The following CDH12 variants were observed in gnomAD, a reference collection of about 807,000 sequenced individuals.
CDH12 encodes the protein cadherin 12, also known as cadherin-12.
A neutral mutation model predicts 74.1 loss-of-function variants in CDH12; 41 were observed. That is an observed-to-expected ratio of 0.55 (90% CI 0.43 to 0.72). The LOEUF (loss-of-function observed/expected upper bound fraction) is 0.72. Ranked by LOEUF, CDH12 falls within the 30% of genes least tolerant of loss-of-function variation. The pLI is 0.00. For missense variants in CDH12, 945 were observed against 977.2 expected, an observed-to-expected ratio of 0.97 and a Z score of 0.44; for synonymous variants, 399 against 355.0, an observed-to-expected ratio of 1.12 and a Z score of -1.39.
At chr5:21,949,145 G>A (rs1463143692) in intron 6 of CDH12, among the ~76,000 whole-genome samples, 1 of 151,950 alleles carries the variant, frequency 6.6e-6, no homozygotes, top group African/African-American at 2.4e-5. Flanking sequence ...TTACATTTTC[G>A]TGTATTTACT....
intron 7 of CDH12, 47 bp from the exon 8 acceptor site, chr5:21,842,375 T>C (rs1285239065): frequency 5.3e-6 from 7 of 1,320,194 alleles, no homozygotes; most frequent in Non-Finnish European, 7.3e-6. Flanking sequence ...ACAAATGCTC[T>C]GTTTTCTGAA....
chr5:21,953,371 G>A (rs1417148930), intron 6 of CDH12, among the ~76,000 whole-genome samples: 1 of 152,140 alleles, frequency 6.6e-6, no homozygotes, highest in Admixed American at 6.6e-5. Flanking sequence ...AAAACAAACT[G>A]TAACCCGGTT....
chr5:22,625,215 T>G (rs1348713856), intron 1 of CDH12, among the ~76,000 whole-genome samples: 1 of 152,014 alleles, frequency 6.6e-6, no homozygotes, highest in Non-Finnish European at 1.5e-5. Context: ...ATATAAATGA[T>G]GAGTTTATGC....
At chr5:22,775,469 C>T (rs193093121) in intron 1 of CDH12, among the ~76,000 whole-genome samples, 5 of 151,732 alleles carry the variant, frequency 3.3e-5, no homozygotes, top group Admixed American at 1.3e-4. Flanking sequence ...TTTTAACCAA[C>T]GTAATAAAAT....
At chr5:22,024,001 C>T (rs934624502) in intron 5 of CDH12, among the ~76,000 whole-genome samples, 2 of 152,092 alleles carry the variant, frequency 1.3e-5, no homozygotes, top group African/African-American at 2.4e-5. Flanking sequence ...CTGCAAAGTG[C>T]TGGGAGTTGG....
intron 1 of CDH12, among the ~76,000 whole-genome samples, chr5:22,598,505 C>T (rs75615119): frequency 0.047 from 7,195 of 152,264 alleles, 230 homozygotes; most frequent in Middle Eastern, 0.088. Context: ...CCTCCCCAGA[C>T]ATCTGGATCT....
chr5:22,513,114 G>A (rs1185461562), intron 1 of CDH12, among the ~76,000 whole-genome samples: 1 of 152,100 alleles, frequency 6.6e-6, no homozygotes, highest in African/African-American at 2.4e-5. Context: ...AAAGAAAATA[G>A]AATAATCCCA....
At chr5:22,679,226 A>AT (rs1741365545) in intron 1 of CDH12, among the ~76,000 whole-genome samples, 1 of 152,200 alleles carries the variant, frequency 6.6e-6, no homozygotes, top group South Asian at 2.1e-4. Context: ...TTAGAAGACA[A>AT]TAAGTATACT....
chr5:22,383,146 A>G (rs1741844798), intron 3 of CDH12, among the ~76,000 whole-genome samples: 1 of 152,146 alleles, frequency 6.6e-6, no homozygotes, highest in South Asian at 2.1e-4. Flanking sequence ...TTCAAATTTC[A>G]TAACTAAATC....
intron 9 of CDH12, among the ~76,000 whole-genome samples, 173 bp from the exon 10 acceptor site, chr5:21,802,593 C>CTTTTTTTTT (rs35742047): frequency 4.2e-5 from 5 of 120,194 alleles, no homozygotes; most frequent in Admixed American, 2.0e-4. Context: ...ATTTTTTTTT[C>CTTTTTTTTT]TTTTTTTTTT....
chr5:21,966,313 C>A (rs2547607), intron 6 of CDH12, among the ~76,000 whole-genome samples: 1 of 152,056 alleles, frequency 6.6e-6, no homozygotes, highest in Non-Finnish European at 1.5e-5. Context: ...CTGTGAAGGA[C>A]CAGATAGTAA....
chr5:21,883,488 G>A, intron 6 of CDH12: 3 of 1,612,924 alleles, frequency 1.9e-6, no homozygotes, highest in Admixed American at 3.3e-5. Context: ...GGTTGTGGCA[G>A]TCAAGGCTCC....
At chr5:21,800,764 G>A (rs1747066485) in intron 10 of CDH12, among the ~76,000 whole-genome samples, 1 of 152,164 alleles carries the variant, frequency 6.6e-6, no homozygotes, top group Admixed American at 6.5e-5. Context: ...TCATGGGAGT[G>A]GGGGTGGTTC....
At chr5:22,804,711 C>T (rs926769370) in intron 1 of CDH12, among the ~76,000 whole-genome samples, 1 of 152,108 alleles carries the variant, frequency 6.6e-6, no homozygotes, top group Non-Finnish European at 1.5e-5. Context: ...CCATACCAGA[C>T]CAACAAAATA....
chr5:22,436,419 C>A (rs1420259302), intron 2 of CDH12, among the ~76,000 whole-genome samples: 2 of 150,622 alleles, frequency 1.3e-5, no homozygotes, highest in African/African-American at 4.9e-5. Flanking sequence ...TGCACATGTA[C>A]CCTAGAAGTT....
At position 22,172,794 on chromosome 5, in the gene CDH12, T is replaced by C. The variant is rs5005866; in HGVS notation, c.-187+39704A>G. Among the ~76,000 whole-genome samples, 83 of 151,858 alleles carry C rather than the reference T, an allele frequency of 5.5e-4. 3 individuals are homozygous for C. The Middle Eastern group carries it at 0.02, about 37-fold the overall frequency. ...ATGGTGAGAATGAATTCATTTAATT[T>C]ATTTTAATTTTAAATCTATATTAAT... On this transcript the variant is annotated intron_variant, in intron 4 of 14. Transcript: ENST00000382254.
intron 1 of CDH12, among the ~76,000 whole-genome samples, chr5:22,824,789 A>C (rs1407741332): frequency 6.6e-6 from 1 of 151,874 alleles, no homozygotes; most frequent in Admixed American, 6.6e-5. Flanking sequence ...AGATTGTCAG[A>C]TTGTATTTTA....
chr5:22,434,982 T>C (rs552197000), intron 2 of CDH12, among the ~76,000 whole-genome samples: 4 of 152,296 alleles, frequency 2.6e-5, no homozygotes, highest in South Asian at 2.1e-4. Flanking sequence ...TTCCTGGGTG[T>C]AGGCTGAACT....
intron 1 of CDH12, among the ~76,000 whole-genome samples, chr5:22,835,560 G>A (rs895278363): frequency 7.9e-5 from 12 of 152,086 alleles, no homozygotes; most frequent in Non-Finnish European, 1.6e-4. Flanking sequence ...GGTTTATTTA[G>A]TGATTATTCA....
Sources: allele counts gnomAD v4.1 joint callset (sites outside exome capture counted in the v4.1 genomes callset), GRCh38; gene constraint gnomAD v4.1.1; transcripts MANE v1.5; gene names NCBI Gene and HGNC (gene_info 2026-07-23, HGNC 2026-07-21).